NLGN4X: variants seen among roughly 807,000 people sequenced by gnomAD.
NLGN4X encodes neuroligin 4 X-linked.
NLGN4X carries 3 observed loss-of-function variants against 40.3 expected under a neutral mutation model. The observed-to-expected ratio is 0.07, with a 90% CI of 0.03 to 0.19. The LOEUF (loss-of-function observed/expected upper bound fraction) is 0.19. Among genes scored for constraint, NLGN4X ranks in the 10% least tolerant of loss-of-function variants. The pLI is 1.00. For synonymous variants in NLGN4X, 270 were observed against 306.8 expected, an observed-to-expected ratio of 0.88 and a Z score of 1.25; for missense variants, 382 against 708.3, an observed-to-expected ratio of 0.54 and a Z score of 5.23.
chrX:5,971,309 T>G (rs1462321710), intron 3 of NLGN4X, among the ~76,000 whole-genome samples: 2 of 110,552 alleles, frequency 1.8e-5, no homozygotes, highest in East Asian at 5.8e-4. Flanking sequence ...AACTCCATGC[T>G]TGGCAGACTG....
intron 2 of NLGN4X, among the ~76,000 whole-genome samples, chrX:6,053,559 A>G (rs932191070): frequency 1.9e-4 from 21 of 111,384 alleles, no homozygotes; most frequent in African/African-American, 6.8e-4. Flanking sequence ...TAGGAGGTCA[A>G]ATCCCTGCAT....
At chrX:6,170,065 G>A (rs1360628605) in intron 1 of NLGN4X, among the ~76,000 whole-genome samples, 7 of 108,602 alleles carry the variant, frequency 6.4e-5, no homozygotes, top group South Asian at 4.1e-4. Context: ...TGAGTGCAGC[G>A]GTATAATCTC....
chrX:5,992,885 G>A (rs958442331), intron 3 of NLGN4X, among the ~76,000 whole-genome samples: 2 of 111,547 alleles, frequency 1.8e-5, no homozygotes, highest in Non-Finnish European at 3.8e-5. Flanking sequence ...TCATTCATGA[G>A]GGATCCGGCC....
In NLGN4X at chrX:5,971,286, C is replaced by A. The variant is rs766522360; in HGVS notation, c.625+57994G>T. Among the ~76,000 whole-genome samples, 11 of 110,567 alleles carry A rather than the reference C, an allele frequency of 9.9e-5. No homozygotes were observed. The East Asian group carries it at 3.2e-3, about 32-fold the overall frequency. ...CCCAGGAGAGTTCTCTAACTCAGAT[C>A]CCATCTGTGCCTAACTCCATGCTTG... On this transcript the variant is annotated intron_variant, in intron 3 of 5. Coordinates refer to ENST00000381095, the MANE Select transcript of NLGN4X (RefSeq NM_181332.3).
At chrX:5,995,368 G>A (rs2035791767) in intron 3 of NLGN4X, among the ~76,000 whole-genome samples, 1 of 112,587 alleles carries the variant, frequency 8.9e-6, no homozygotes, top group South Asian at 3.7e-4. Context: ...TTGATTTGGA[G>A]CATTTTGGTT....
In NLGN4X at chrX:6,139,177, T is replaced by A. The variant is rs111363600; in HGVS notation, c.472+11818A>T. On this transcript the variant is annotated intron_variant, in intron 2 of 5. Coordinates refer to ENST00000381095, the MANE Select transcript of NLGN4X (RefSeq NM_181332.3). ...GAAAGTACTTTACTAGAATAGAAAT[T>A]TGGAGGAGACTGAAAGCTTTTGTAT... 5.8e-3 allele frequency among the ~76,000 whole-genome samples: 653 copies of A among 111,894 alleles called. 1 individual carries two copies. Among genetic ancestry groups the A allele is most frequent in the African/African-American group, 0.02 (622 of 30,896 alleles).
intron 3 of NLGN4X, among the ~76,000 whole-genome samples, chrX:5,947,838 GA>G (rs1294388941): frequency 1.8e-5 from 2 of 111,662 alleles, no homozygotes; most frequent in Non-Finnish European, 3.8e-5. Context: ...TAGATATTTA[GA>G]AAAAAAATTC....
chrX:6,118,385 C>T (rs1291938977), intron 2 of NLGN4X, among the ~76,000 whole-genome samples: 1 of 111,398 alleles, frequency 9.0e-6, no homozygotes, highest in Non-Finnish European at 1.9e-5. Context: ...TCTCCTAATT[C>T]CCTCACCCTA....
At chrX:5,946,168 G>T (rs755020514) in intron 3 of NLGN4X, among the ~76,000 whole-genome samples, 2 of 110,895 alleles carry the variant, frequency 1.8e-5, no homozygotes, top group Non-Finnish European at 3.8e-5. Context: ...AAGCATCCCT[G>T]GCCTCTGTCC....
At chrX:6,068,256 C>A (rs1170521876) in intron 2 of NLGN4X, among the ~76,000 whole-genome samples, 2 of 111,805 alleles carry the variant, frequency 1.8e-5, no homozygotes, top group Admixed American at 1.9e-4. Context: ...CCTGTCAGAA[C>A]ACCACCCTGG....
intron 2 of NLGN4X, among the ~76,000 whole-genome samples, chrX:6,116,996 G>A (rs2039317666): frequency 9.0e-6 from 1 of 111,313 alleles, no homozygotes; most frequent in South Asian, 3.8e-4. Context: ...TTCCACATAA[G>A]AAAATCAAAT....
chrX:6,113,285 T>C (rs771737403), intron 2 of NLGN4X, among the ~76,000 whole-genome samples: 17 of 111,461 alleles, frequency 1.5e-4, no homozygotes, highest in Non-Finnish European at 2.3e-4. Context: ...AAGGTGTTTC[T>C]AGTAGTGGAA....
chrX:5,972,843 T>C lies in NLGN4X; in HGVS notation c.625+56437A>G, dbSNP rs775575837. On this transcript the variant is annotated intron_variant, in intron 3 of 5. Transcript: ENST00000381095. ...GATTACAGGCATGAGACACTGTGCC[T>C]TGCAGATCTAAATGTTTTTAAGAGT... 7.2e-5 allele frequency among the ~76,000 whole-genome samples: 8 copies of C among 111,202 alleles called. No homozygotes were observed. The East Asian group carries it at 2.3e-3, about 32-fold the overall frequency.
At chrX:5,982,554 T>A (rs989656897) in intron 3 of NLGN4X, among the ~76,000 whole-genome samples, 5 of 112,205 alleles carry the variant, frequency 4.5e-5, no homozygotes, top group Non-Finnish European at 9.4e-5. Context: ...AAACCAACCT[T>A]CTTATTGAAA....
Position 6,001,571 on chromosome X carries a change from C to T in NLGN4X, c.625+27709G>A, listed in dbSNP as rs190660594. On this transcript the variant is annotated intron_variant, in intron 3 of 5. Transcript: ENST00000381095. ...AAAGGTACACCTACTGGTTTTAGAT[C>T]GGTGGGGTTTGAAATAAAAGCATTT... Among the ~76,000 whole-genome samples the T allele has an allele frequency of 3.8e-3, 426 of 111,691 alleles. 1 individual carries two copies. Among genetic ancestry groups the T allele is most frequent in the Non-Finnish European group, 6.2e-3 (329 of 53,168 alleles).
Position 5,903,310 on chromosome X carries a change from G to C in NLGN4X, c.1368C>G (p.Thr456=), listed in dbSNP as rs781581467. The change falls in exon 5 of 6, where the codon ACC becomes ACG. Residue 456 remains threonine, a synonymous_variant. Coordinates refer to ENST00000381095, the MANE Select transcript of NLGN4X (RefSeq NM_181332.3). The stretch of plus-strand genomic sequence containing the variant: ...AGCCGTACTGCGCGTGCAGGTCGGC[G>C]GTGGCCACGGCGGGGGCCACCCACT... ...DHQWVAPAVA[T]ADLHAQYGSP... 16 of 1,209,906 alleles carry C rather than the reference G, an allele frequency of 1.3e-5. No homozygotes were observed. The highest frequency in any genetic ancestry group is 2.2e-5 in the Admixed American group (1 of 45,862).
intron 2 of NLGN4X, among the ~76,000 whole-genome samples, chrX:6,097,976 T>G (rs2038820116): frequency 9.0e-6 from 1 of 111,616 alleles, no homozygotes; most frequent in African/African-American, 3.3e-5. Context: ...AACTGAAATA[T>G]GAGAAGAAAA....
intron 3 of NLGN4X, among the ~76,000 whole-genome samples, chrX:5,935,893 T>A (rs2033714343): frequency 8.9e-6 from 1 of 112,018 alleles, no homozygotes; most frequent in Non-Finnish European, 1.9e-5. Flanking sequence ...ATATATTCTT[T>A]GGGTTATGCT....
intron 3 of NLGN4X, among the ~76,000 whole-genome samples, chrX:5,971,582 G>T (rs986351971): frequency 9.0e-6 from 1 of 111,546 alleles, no homozygotes; most frequent in Admixed American, 9.6e-5. Context: ...CCTTCAAATG[G>T]TAGATGTTCA....
Sources: gnomAD v4.1 joint callset for allele counts (sites outside exome capture counted in the v4.1 genomes callset) on GRCh38, gnomAD v4.1.1 for gene constraint, MANE v1.5 for transcripts, NCBI Gene and HGNC (gene_info 2026-07-23, HGNC 2026-07-21) for gene names.